The following SENP2 variants were observed in gnomAD, a reference collection of about 807,000 sequenced individuals.
SENP2 encodes sentrin-specific protease 2.
Under a neutral mutation model 86.3 loss-of-function variants are expected in SENP2, and 16 were observed. That is an observed-to-expected ratio of 0.19 (90% CI 0.13 to 0.28). The LOEUF is 0.28. SENP2 is among the 10% of genes least tolerant of loss of function. The pLI, the probability that SENP2 is intolerant of heterozygous loss-of-function variation, is 1.00. For synonymous variants in SENP2, 222 were observed against 238.7 expected (o/e 0.93, Z 0.64); for missense variants, 552 against 703.0 (o/e 0.79, Z 2.43).
rs1712426879 is a variant in SENP2 at position 185,630,912 on chromosome 3, G to A, written c.*1068G>A. ...AAGAAAATTTAGTACTTGGCTCTGA[G>A]GTTGCCAGTTATACAATAATCTATT... On this transcript the variant is annotated 3_prime_UTR_variant, in exon 17 of 17. Coordinates refer to ENST00000296257, the MANE Select transcript of SENP2 (RefSeq NM_021627.3). The A allele has an allele frequency of 6.6e-6, 1 of 152,186 alleles. No homozygotes were observed. Among genetic ancestry groups the A allele is most frequent in the South Asian group, 2.1e-4 (1 of 4,830 alleles). The allele number at this position is 152,186 out of a possible 1,614,324, so 9.4% of individuals were successfully genotyped here.
intron 1 of SENP2, among the ~76,000 whole-genome samples, chr3:185,587,997 C>T (rs1218068661): frequency 6.7e-6 from 1 of 150,002 alleles, no homozygotes; most frequent in Non-Finnish European, 1.5e-5. Flanking sequence ...CCTCAGCCTC[C>T]CAAAGTGCTG....
intron 4 of SENP2, 98 bp downstream of exon 4, chr3:185,599,122 G>T: frequency 1.2e-6 from 1 of 833,254 alleles, no homozygotes; most frequent in Non-Finnish European, 2.0e-6. Flanking sequence ...GATTTGAATT[G>T]GGATGAGAAA....
chr3:185,603,684 T>A (rs912663775), intron 5 of SENP2, among the ~76,000 whole-genome samples: 1 of 152,236 alleles, frequency 6.6e-6, no homozygotes, highest in Non-Finnish European at 1.5e-5. Flanking sequence ...TGTGGTTATA[T>A]AAGAGATGCC....
At chr3:185,621,105 C>T (rs1318616117) in intron 13 of SENP2, among the ~76,000 whole-genome samples, 9 of 139,456 alleles carry the variant, frequency 6.5e-5, no homozygotes, top group African/African-American at 1.3e-4. Context: ...TGCAGTGAGC[C>T]GTGATCACAC....
chr3:185,619,435 G>A lies in SENP2; in HGVS notation c.1379G>A (p.Gly460Glu), dbSNP rs1711755397. The change falls in exon 13 of 17, where the codon GGG becomes GAG. Residue 460 changes from glycine (G) to glutamate (E), a missense_variant. Gly to Glu is a moderately conservative substitution (Grantham distance 98, BLOSUM62 -2). Coordinates refer to ENST00000296257, the MANE Select transcript of SENP2 (RefSeq NM_021627.3). ...GYQAVKRWTKGVNLFEQEIIL... is the reference protein window; with the variant it reads ...GYQAVKRWTKEVNLFEQEIIL... ...CAAGCAGTGAAACGATGGACCAAAG[G>A]GGTAAATCTCTTTGAACAAGAAATT... The A allele has an allele frequency of 6.2e-7, 1 of 1,613,988 alleles. No homozygotes were observed.
At position 185,629,767 on chromosome 3, in the gene SENP2, T is replaced by C. The variant is rs1712331632; in HGVS notation, c.1708-15T>C. ...TAATATGTAATGCGGGCGTTGTTTA[T>C]GGGGTTCTTTGCAGCACCAGATGCC... On this transcript the variant is annotated splice_polypyrimidine_tract_variant and intron_variant, in intron 16 of 16. Transcript: ENST00000296257. 2.5e-6 allele frequency: 4 copies of C among 1,614,054 alleles called. No homozygotes were observed. In the East Asian group the frequency reaches 8.9e-5, roughly 36 times the overall value.
At chr3:185,591,853 TC>T (rs1306583232) in intron 2 of SENP2, among the ~76,000 whole-genome samples, 1 of 151,704 alleles carries the variant, frequency 6.6e-6, no homozygotes. Context: ...CATCTCAGCC[TC>T]CCAAGTAGTT....
At chr3:185,600,028 C>A (rs540794123) in intron 4 of SENP2, among the ~76,000 whole-genome samples, 1 of 152,256 alleles carries the variant, frequency 6.6e-6, no homozygotes, top group African/African-American at 2.4e-5. Flanking sequence ...AACTCCCGAC[C>A]TCAGGTGATC....
In SENP2 at chr3:185,614,841, G is replaced by A. The variant is rs1711544081; in HGVS notation, c.1110+101G>A. 2.3e-5 allele frequency: 26 copies of A among 1,113,900 alleles called. No homozygotes were observed. The South Asian group carries it at 3.7e-4, about 16-fold the overall frequency. 69.0% of individuals were successfully genotyped at this position (1,113,900 alleles called of 1,614,324 possible). ...TTTTGAGGACTTTCTCCAGGCTAGG[G>A]GTGAATATATGAAAACATGTCAGGT... On this transcript the variant is annotated intron_variant, in intron 11 of 16. Coordinates refer to ENST00000296257, the MANE Select transcript of SENP2 (RefSeq NM_021627.3).
Position 185,632,130 on chromosome 3 carries a change from A to G in SENP2, c.*2286A>G, listed in dbSNP as rs1294574215. The G allele has an allele frequency of 1.4e-5, 2 of 147,640 alleles. No homozygotes were observed. Among genetic ancestry groups the G allele is most frequent in the Non-Finnish European group, 3.0e-5 (2 of 67,296 alleles). The allele number at this position is 147,640 out of a possible 1,614,324, so 9.1% of individuals were successfully genotyped here. ...ATAGTTTTTTAGATCCAAACAGTTT[A>G]TTTGGATCTAAAAGTTTAAGTGTTC... On this transcript the variant is annotated 3_prime_UTR_variant, in exon 17 of 17. Transcript: ENST00000296257.
At position 185,594,290 on chromosome 3, in the gene SENP2, G is replaced by A. The variant is rs147219600; in HGVS notation, c.157+4121G>A. ...TTATTGCATCATTCCCATTAAATAT[G>A]TAGTATGATTTTCTGAATGGCAAAT... is the stretch of plus-strand genomic sequence containing the variant. On this transcript the variant is annotated intron_variant, in intron 2 of 16. Transcript: ENST00000296257. 2.7e-3 allele frequency among the ~76,000 whole-genome samples: 410 copies of A among 152,160 alleles called. 1 individual carries two copies. The highest frequency in any genetic ancestry group is 9.4e-3 in the African/African-American group (389 of 41,520).
intron 5 of SENP2, among the ~76,000 whole-genome samples, chr3:185,603,190 G>A (rs995018990): frequency 6.6e-6 from 1 of 152,074 alleles, no homozygotes; most frequent in African/African-American, 2.4e-5. Flanking sequence ...GGAATTACAG[G>A]CGTGAGCCAC....
chr3:185,625,871 T>A (rs1379194878), intron 15 of SENP2, among the ~76,000 whole-genome samples: 1 of 152,146 alleles, frequency 6.6e-6, no homozygotes, highest in East Asian at 1.9e-4. Context: ...CTCCTTTCAG[T>A]TTGGTTTCTT....
chr3:185,613,086 G>A (rs1322270541), intron 9 of SENP2, among the ~76,000 whole-genome samples: 1 of 152,226 alleles, frequency 6.6e-6, no homozygotes, highest in African/African-American at 2.4e-5. Flanking sequence ...TGGAACATGC[G>A]AATTCATTTA....
In SENP2 at chr3:185,587,656, T is replaced by C. The variant is rs1270412915; in HGVS notation, c.101+1142T>C. On this transcript the variant is annotated intron_variant, in intron 1 of 16. Transcript: ENST00000296257. ...ATCTCGGCTCACTGCAAGCTCTGCC[T>C]CCGGGAGTCACGCCATTCTCCTGCC... Among the ~76,000 whole-genome samples, 4 of 144,096 alleles carry C rather than the reference T, an allele frequency of 2.8e-5. No individual in the cohort carries two copies. The East Asian group carries it at 6.2e-4, about 22-fold the overall frequency. The allele number at this position is 144,096 out of a possible 152,430, so 94.5% of individuals were successfully genotyped here.
intron 5 of SENP2, among the ~76,000 whole-genome samples, chr3:185,601,487 GTTAA>G (rs780721690): frequency 1.6e-4 from 25 of 152,200 alleles, no homozygotes; most frequent in Non-Finnish European, 2.6e-4. Flanking sequence ...ACGTGGCCTG[GTTAA>G]TTTTCATACA....
intron 2 of SENP2, among the ~76,000 whole-genome samples, chr3:185,593,728 CTTTTTT>C (rs76181270): frequency 7.2e-6 from 1 of 138,116 alleles, no homozygotes; most frequent in Non-Finnish European, 1.6e-5. Flanking sequence ...GTTTTCATTT[CTTTTTT>C]TTTTTTTTTT....
chr3:185,623,603 T>G (rs1278095306), intron 14 of SENP2, among the ~76,000 whole-genome samples: 1 of 151,820 alleles, frequency 6.6e-6, no homozygotes, highest in Non-Finnish European at 1.5e-5. Flanking sequence ...GCAGGCGGGA[T>G]CACAGGCTCA....
chr3:185,598,892 C>T, intron 3 of SENP2, 66 bp from the exon 4 acceptor site: 1 of 1,273,746 alleles, frequency 7.9e-7, no homozygotes, highest in East Asian at 2.3e-5. Context: ...GTTATCTTTT[C>T]ATAATAGAAA....
Sources: gnomAD v4.1 joint callset for allele counts (sites outside exome capture counted in the v4.1 genomes callset) on GRCh38, gnomAD v4.1.1 for gene constraint, MANE v1.5 for transcripts, NCBI Gene and HGNC (gene_info 2026-07-23, HGNC 2026-07-21) for gene names.